The following PRR16 variants were observed in gnomAD, a reference collection of about 807,000 sequenced individuals.
The protein encoded by PRR16 is protein Largen.
PRR16 carries 6 observed loss-of-function variants against 18.2 expected under a neutral mutation model. The ratio of observed to expected loss-of-function variants is 0.33; its 90% confidence interval spans 0.18 to 0.65. PRR16 has a LOEUF of 0.65. Among genes scored for constraint, PRR16 ranks in the 30% least tolerant of loss-of-function variants. The pLI, the probability that PRR16 is intolerant of heterozygous loss-of-function variation, is 0.74. For missense variants in PRR16, 412 were observed against 376.6 expected (o/e 1.09, Z -0.78); for synonymous variants, 151 against 147.8 (o/e 1.02, Z -0.16).
chr5:120,594,609 T>G lies in PRR16; in HGVS notation c.160-91345T>G, dbSNP rs145273734. On this transcript the variant is annotated intron_variant, in intron 1 of 1. Coordinates refer to ENST00000407149, the MANE Select transcript of PRR16 (RefSeq NM_001300783.2). ...TCCACAGTACTAGAAAAAAACTATT[T>G]TAAAATTCATAAAGAACAGAGCAAG... Among the ~76,000 whole-genome samples, 933 of 152,102 alleles carry G rather than the reference T, an allele frequency of 6.1e-3. 9 individuals carry two copies. Among genetic ancestry groups the G allele is most frequent in the Middle Eastern group, 0.031 (9 of 294 alleles).
At chr5:120,564,988 G>GAAA (rs34900155) in intron 1 of PRR16, among the ~76,000 whole-genome samples, 3 of 91,888 alleles carry the variant, frequency 3.3e-5, no homozygotes, top group Admixed American at 1.3e-4. Flanking sequence ...TCTGTTTCCA[G>GAAA]AAAAAAAAAA....
At chr5:120,660,869 CTA>C (rs772515136) in intron 1 of PRR16, among the ~76,000 whole-genome samples, 1 of 151,964 alleles carries the variant, frequency 6.6e-6, no homozygotes, top group African/African-American at 2.4e-5. Context: ...AAATTCTTTT[CTA>C]TGTTTGATAT....
the PRR16 span, among the ~76,000 whole-genome samples, chr5:120,693,036 A>G: frequency 6.6e-6 from 1 of 152,210 alleles, no homozygotes; most frequent in Non-Finnish European, 1.5e-5. Flanking sequence ...AATTGAAGAT[A>G]CATACTTATC....
the PRR16 span, among the ~76,000 whole-genome samples, chr5:120,744,380 C>T: frequency 3.9e-5 from 6 of 152,200 alleles, no homozygotes; most frequent in Non-Finnish European, 7.3e-5. Context: ...CTCAATCTTT[C>T]AGTTCCACAG....
chr5:120,498,919 A>C (rs1750350476), intron 1 of PRR16, among the ~76,000 whole-genome samples: 1 of 151,834 alleles, frequency 6.6e-6, no homozygotes, highest in Non-Finnish European at 1.5e-5. Flanking sequence ...CCTGTAGATA[A>C]TATGTTATTT....
chr5:120,547,724 T>G (rs2112693770), intron 1 of PRR16, among the ~76,000 whole-genome samples: 1 of 152,178 alleles, frequency 6.6e-6, no homozygotes, highest in South Asian at 2.1e-4. Flanking sequence ...ACTTAAAAAT[T>G]TCTACAGCAA....
intron 1 of PRR16, among the ~76,000 whole-genome samples, chr5:120,529,907 C>T (rs1049741141): frequency 2.0e-5 from 3 of 150,064 alleles, no homozygotes; most frequent in South Asian, 2.1e-4. Context: ...ATACAGCAGG[C>T]TTTTTTTTTC....
intron 1 of PRR16, among the ~76,000 whole-genome samples, chr5:120,611,836 G>T (rs545910346): frequency 6.6e-6 from 1 of 152,288 alleles, no homozygotes; most frequent in Middle Eastern, 3.4e-3. Context: ...TGAGAAGAGG[G>T]CCACCATTCT....
At chr5:120,655,202 A>C (rs1252684387) in intron 1 of PRR16, among the ~76,000 whole-genome samples, 1 of 151,844 alleles carries the variant, frequency 6.6e-6, no homozygotes, top group East Asian at 1.9e-4. Flanking sequence ...GTAATGATAA[A>C]TATTTAATAA....
At chr5:120,488,923 A>C (rs1209818554) in intron 1 of PRR16, among the ~76,000 whole-genome samples, 4 of 152,166 alleles carry the variant, frequency 2.6e-5, no homozygotes, top group Non-Finnish European at 5.9e-5. Flanking sequence ...GTAGTCATTC[A>C]GGAGCAGGTT....
At chr5:120,594,700 T>G (rs1457809611) in intron 1 of PRR16, among the ~76,000 whole-genome samples, 1 of 152,134 alleles carries the variant, frequency 6.6e-6, no homozygotes, top group Non-Finnish European at 1.5e-5. Flanking sequence ...CTGCCTGATT[T>G]CAAACTACAC....
chr5:120,686,251 C>T lies in PRR16; in HGVS notation c.457C>T (p.Leu153Phe). The T allele has an allele frequency of 1.2e-6, 2 of 1,614,066 alleles. No individual in the cohort carries two copies. The highest frequency in any genetic ancestry group is 1.7e-6 in the Non-Finnish European group (2 of 1,180,006). The stretch of plus-strand genomic sequence containing the variant: ...CAATCCTGTAAAAACCAATGGCACC[C>T]TTCTACGAAATGGAGGCTTACCAGG... ...TANPVKTNGTLLRNGGLPGGP... is the reference protein window; with the variant it reads ...TANPVKTNGTFLRNGGLPGGP... The change falls in exon 2 of 2, where the codon CTT (leucine) becomes TTT (phenylalanine). Residue 153 changes from leucine (L) to phenylalanine (F), a missense_variant. Coordinates refer to ENST00000407149, the MANE Select transcript of PRR16 (RefSeq NM_001300783.2).
chr5:120,488,108 T>C (rs1749881852), intron 1 of PRR16, among the ~76,000 whole-genome samples: 1 of 152,238 alleles, frequency 6.6e-6, no homozygotes, highest in South Asian at 2.1e-4. Context: ...TCTAAAATTC[T>C]CTTTTTTTGT....
chr5:120,556,254 T>TTA (rs1188216265), intron 1 of PRR16, among the ~76,000 whole-genome samples: 2 of 147,524 alleles, frequency 1.4e-5, no homozygotes, highest in African/African-American at 2.5e-5. Context: ...TTTTTTTTTG[T>TTA]ACCATGCTAT....
chr5:120,576,274 C>A (rs1395478247), intron 1 of PRR16, among the ~76,000 whole-genome samples: 1 of 151,902 alleles, frequency 6.6e-6, no homozygotes, highest in East Asian at 1.9e-4. Flanking sequence ...GGAATATAAT[C>A]CAAAATATAT....
chr5:120,502,076 A>G (rs1750479289), intron 1 of PRR16, among the ~76,000 whole-genome samples: 1 of 151,384 alleles, frequency 6.6e-6, no homozygotes, highest in Non-Finnish European at 1.5e-5. Flanking sequence ...GTGAATTGGA[A>G]CAACAGTTCT....
Position 120,594,682 on chromosome 5 carries a change from G to A in PRR16, c.160-91272G>A, listed in dbSNP as rs988046236. Reference sequence around the variant, plus strand: ...CTAAGCAAAAAGAACAAAGCTGGAGGCATCATGCTGCCTGATTTCAAACTA... The same window carrying A: ...CTAAGCAAAAAGAACAAAGCTGGAGACATCATGCTGCCTGATTTCAAACTA... On this transcript the variant is annotated intron_variant, in intron 1 of 1. Transcript: ENST00000407149. 3.3e-5 allele frequency among the ~76,000 whole-genome samples: 5 copies of A among 152,138 alleles called. No homozygotes were observed. The East Asian group carries it at 5.8e-4, about 18-fold the overall frequency.
chr5:120,757,176 T>G, the PRR16 span, among the ~76,000 whole-genome samples: 1 of 151,994 alleles, frequency 6.6e-6, no homozygotes, highest in Non-Finnish European at 1.5e-5. Context: ...CTTGGTCTAT[T>G]TGTCTGCTTT....
At chr5:120,654,281 C>G (rs965274602) in intron 1 of PRR16, among the ~76,000 whole-genome samples, 2 of 151,984 alleles carry the variant, frequency 1.3e-5, no homozygotes, top group Non-Finnish European at 2.9e-5. Context: ...TAAGAGACTT[C>G]TAACTCATTC....
Sources: gnomAD v4.1 joint callset for allele counts (sites outside exome capture counted in the v4.1 genomes callset) on GRCh38, gnomAD v4.1.1 for gene constraint, MANE v1.5 for transcripts, NCBI Gene and HGNC (gene_info 2026-07-23, HGNC 2026-07-21) for gene names.